Variants in NBEAL1 observed in about 807,000 individuals in gnomAD.
The protein encoded by NBEAL1 is neurobeachin-like protein 1.
In NBEAL1, 273 loss-of-function variants were observed where a neutral mutation model predicts 351.3. That is an observed-to-expected ratio of 0.78 (90% CI 0.70 to 0.86). The LOEUF is 0.86. Ranked by LOEUF, NBEAL1 falls within the 40% of genes least tolerant of loss-of-function variation. The probability of loss-of-function intolerance (pLI) is 0.00; values close to 1 mark genes in which losing one functional copy is unlikely to be tolerated. For synonymous variants in NBEAL1, 1,050 were observed against 1,086.4 expected (o/e 0.97, Z 0.66); for missense variants, 2,961 against 3,201.3 (o/e 0.92, Z 1.81).
intron 36 of NBEAL1, among the ~76,000 whole-genome samples, chr2:203,160,866 G>T (rs2063934611): frequency 6.6e-6 from 1 of 152,102 alleles, no homozygotes; most frequent in Non-Finnish European, 1.5e-5. Flanking sequence ...AGCATAGCTT[G>T]GTGGTCAGTC....
chr2:203,119,444 T>TTTTTA (rs2062779286), intron 18 of NBEAL1, among the ~76,000 whole-genome samples: 1 of 142,814 alleles, frequency 7.0e-6, no homozygotes, highest in African/African-American at 2.6e-5. Context: ...TTTTTTTTTT[T>TTTTTA]GAGACGGAGT....
chr2:203,057,524 T>C (rs902423702), intron 6 of NBEAL1, 71 bp downstream of exon 6: 3 of 1,335,406 alleles, frequency 2.2e-6, no homozygotes, highest in East Asian at 5.1e-5. Flanking sequence ...TCAAAGCAGG[T>C]CTTCTCTATG....
chr2:203,137,738 C>T (rs576317930), intron 29 of NBEAL1, among the ~76,000 whole-genome samples: 1 of 152,218 alleles, frequency 6.6e-6, no homozygotes, highest in African/African-American at 2.4e-5. Context: ...AATCCCAGCA[C>T]TCTGGGAGGC....
intron 6 of NBEAL1, among the ~76,000 whole-genome samples, chr2:203,065,918 T>C (rs2061577848): frequency 1.3e-5 from 2 of 152,256 alleles, no homozygotes; most frequent in Admixed American, 1.3e-4. Flanking sequence ...AGCAATTAAC[T>C]ATGCTATATT....
At position 203,180,526 on chromosome 2, in the gene NBEAL1, G is replaced by A. The variant is rs1394520808; in HGVS notation, c.6595+14G>A. ...AAAATCAAAATCGTAAGAAATAGAG[G>A]ATTAAAAATTTGACTAGCAGGTCCC... is the stretch of plus-strand genomic sequence containing the variant. On this transcript the variant is annotated intron_variant, in intron 43 of 55. Transcript: ENST00000683969. 1.9e-6 allele frequency: 3 copies of A among 1,594,184 alleles called. No individual in the cohort carries two copies. Among genetic ancestry groups the A allele is most frequent in the Non-Finnish European group, 2.6e-6 (3 of 1,172,266 alleles).
At chr2:203,029,641 A>G (rs2060918106) in intron 2 of NBEAL1, among the ~76,000 whole-genome samples, 1 of 149,882 alleles carries the variant, frequency 6.7e-6, no homozygotes, top group Non-Finnish European at 1.5e-5. Context: ...GCAGTGAGCC[A>G]TGATTTTACC....
In NBEAL1 at chr2:203,136,174, T is replaced by G; in HGVS notation, c.4311T>G (p.Ser1437=). Residue 1437 remains serine (S), a synonymous_variant, in exon 28 of 56, where the codon TCT becomes TCG. Transcript: ENST00000683969. The part of the protein sequence containing the change: ...PSPVESTKSF[S]VHSDRESSIT... The stretch of plus-strand genomic sequence containing the variant: ...CAGTAGAGTCTACTAAATCGTTTTC[T>G]GTGCACTCTGACAGAGAAAGCAGCA... 6.2e-7 allele frequency: 1 copy of G among 1,613,826 alleles called. No homozygotes were observed.
chr2:203,040,425 C>T (rs1281414986), intron 2 of NBEAL1: 14 of 717,400 alleles, frequency 2.0e-5, no homozygotes, highest in East Asian at 2.6e-5. Context: ...TGGAGAGAAC[C>T]GTTGTAAGAC....
At chr2:203,141,778 T>C (rs2106329762) in intron 31 of NBEAL1, among the ~76,000 whole-genome samples, 1 of 152,208 alleles carries the variant, frequency 6.6e-6, no homozygotes, top group African/African-American at 2.4e-5. Context: ...TAAAAACATA[T>C]TTCCCTGAGG....
chr2:203,188,714 T>C, intron 45 of NBEAL1, 125 bp downstream of exon 45: 1 of 574,632 alleles, frequency 1.7e-6, no homozygotes, highest in Non-Finnish European at 3.1e-6. Context: ...TCTTTTTACT[T>C]GAAAGATTAA....
chr2:203,017,867 T>C (rs1163128877), intron 2 of NBEAL1, among the ~76,000 whole-genome samples: 6 of 152,118 alleles, frequency 3.9e-5, no homozygotes, highest in Non-Finnish European at 8.8e-5. Context: ...ATGTTAATCC[T>C]CAATAATGAA....
At chr2:203,036,822 A>C (rs2061047536) in intron 2 of NBEAL1, among the ~76,000 whole-genome samples, 1 of 149,306 alleles carries the variant, frequency 6.7e-6, no homozygotes, top group Non-Finnish European at 1.5e-5. Flanking sequence ...CCTAAATAAA[A>C]TATGCATTAG....
chr2:203,173,693 AT>A (rs1329533373), intron 41 of NBEAL1, among the ~76,000 whole-genome samples: 3 of 152,108 alleles, frequency 2.0e-5, no homozygotes, highest in Non-Finnish European at 2.9e-5. Flanking sequence ...CCAAAAGAAG[AT>A]TTTATAATTC....
intron 2 of NBEAL1, among the ~76,000 whole-genome samples, chr2:203,022,787 C>A (rs2060792039): frequency 6.6e-6 from 1 of 152,042 alleles, no homozygotes; most frequent in African/African-American, 2.4e-5. Context: ...AATGTCTTAA[C>A]CGAGAATGTC....
intron 3 of NBEAL1, 112 bp downstream of exon 3, chr2:203,041,968 A>C: frequency 4.2e-6 from 3 of 716,314 alleles, no homozygotes; most frequent in Non-Finnish European, 7.4e-6. Context: ...CTTGATACTC[A>C]TGAATAACCC....
intron 36 of NBEAL1, among the ~76,000 whole-genome samples, chr2:203,160,213 G>A (rs1486596284): frequency 6.6e-6 from 1 of 151,880 alleles, no homozygotes; most frequent in African/African-American, 2.4e-5. Context: ...CTGAGTAGCT[G>A]GGATTACAGG....
chr2:203,192,676 G>A (rs564957811), intron 46 of NBEAL1, among the ~76,000 whole-genome samples: 16 of 152,038 alleles, frequency 1.1e-4, no homozygotes, highest in Admixed American at 3.9e-4. Flanking sequence ...GTGAGCCACC[G>A]CACCCGATCT....
intron 41 of NBEAL1, among the ~76,000 whole-genome samples, chr2:203,174,448 TATTA>T (rs1295874503): frequency 6.6e-6 from 1 of 152,160 alleles, no homozygotes; most frequent in Non-Finnish European, 1.5e-5. Context: ...AATATTTGTA[TATTA>T]ATTCATACAT....
intron 8 of NBEAL1, among the ~76,000 whole-genome samples, chr2:203,080,720 C>T (rs1301325444): frequency 2.6e-5 from 4 of 152,064 alleles, no homozygotes; most frequent in African/African-American, 9.7e-5. Context: ...AGAAAAGAGT[C>T]TCCTTGTAGT....
Sources: allele counts gnomAD v4.1 joint callset (sites outside exome capture counted in the v4.1 genomes callset), GRCh38; gene constraint gnomAD v4.1.1; transcripts MANE v1.5; gene names NCBI Gene and HGNC (gene_info 2026-07-23, HGNC 2026-07-21).